Variants in UNC5D observed in about 807,000 individuals in gnomAD.
UNC5D encodes the protein netrin receptor UNC5D.
Under a neutral mutation model 105.4 loss-of-function variants are expected in UNC5D, and 39 were observed. The ratio of observed to expected loss-of-function variants is 0.37; its 90% confidence interval spans 0.29 to 0.48. UNC5D has a LOEUF of 0.48. UNC5D is among the 20% of genes least tolerant of loss of function. The pLI, the probability that UNC5D is intolerant of heterozygous loss-of-function variation, is 0.98. For missense variants in UNC5D, 991 were observed against 1,202.4 expected, an observed-to-expected ratio of 0.82 and a Z score of 2.60; for synonymous variants, 452 against 450.4, an observed-to-expected ratio of 1.00 and a Z score of -0.04.
In UNC5D at chr8:35,767,082, A is replaced by G. The variant is rs377729624; in HGVS notation, c.2478+16A>G. 6.3e-6 allele frequency: 10 copies of G among 1,597,232 alleles called. No individual in the cohort carries two copies. In the African/African-American group the frequency reaches 9.4e-5, roughly 15 times the overall value. ...AATCCTAGAGGTGAGTCCTTGATCT[A>G]CAGGTCATTTGACCCCCTTTCTGAA... On this transcript the variant is annotated intron_variant, in intron 15 of 16. Coordinates refer to ENST00000404895, the MANE Select transcript of UNC5D (RefSeq NM_080872.4).
chr8:35,248,728 A>AATATATAATATATATAAAATATATAAAT (rs1563248135), intron 1 of UNC5D, among the ~76,000 whole-genome samples: 1 of 98,248 alleles, frequency 1.0e-5, no homozygotes, highest in African/African-American at 4.5e-5. Flanking sequence ...AATATATAAA[A>AATATATAATATATATAAAATATATAAAT]ATATATAATA....
At chr8:35,786,078 G>C (rs1434797460) in intron 16 of UNC5D, among the ~76,000 whole-genome samples, 8 of 152,102 alleles carry the variant, frequency 5.3e-5, no homozygotes, top group Non-Finnish European at 1.2e-4. Flanking sequence ...GAGCTGTGTG[G>C]TTTGTTACAT....
At chr8:35,666,812 T>C (rs1296471766) in intron 4 of UNC5D, among the ~76,000 whole-genome samples, 1 of 152,192 alleles carries the variant, frequency 6.6e-6, no homozygotes, top group Non-Finnish European at 1.5e-5. Context: ...CTGAAGTACC[T>C]ATGACATGTA....
intron 1 of UNC5D, among the ~76,000 whole-genome samples, chr8:35,358,910 A>G (rs1160098870): frequency 6.6e-6 from 1 of 152,222 alleles, no homozygotes; most frequent in African/African-American, 2.4e-5. Flanking sequence ...GGGTTTTTAT[A>G]TGAATGAGTT....
chr8:35,463,083 C>G (rs1809017644), intron 1 of UNC5D, among the ~76,000 whole-genome samples: 1 of 152,170 alleles, frequency 6.6e-6, no homozygotes, highest in Non-Finnish European at 1.5e-5. Context: ...TCTGGCAGGA[C>G]TATAACGTGC....
intron 4 of UNC5D, among the ~76,000 whole-genome samples, chr8:35,624,580 C>A (rs1821586372): frequency 6.6e-6 from 1 of 152,212 alleles, no homozygotes; most frequent in African/African-American, 2.4e-5. Flanking sequence ...TTCTGCCTTA[C>A]AAGCTGATAT....
At chr8:35,740,082 G>A (rs758181812) in intron 11 of UNC5D, among the ~76,000 whole-genome samples, 9 of 152,192 alleles carry the variant, frequency 5.9e-5, no homozygotes, top group Non-Finnish European at 1.0e-4. Flanking sequence ...GTTGGATTGC[G>A]TGGTGTCTGA....
intron 4 of UNC5D, among the ~76,000 whole-genome samples, chr8:35,664,171 A>G (rs1824284150): frequency 6.6e-6 from 1 of 152,196 alleles, no homozygotes; most frequent in South Asian, 2.1e-4. Context: ...AACTGCAGTT[A>G]TTTTATAGTT....
At chr8:35,381,226 T>A (rs1401517539) in intron 1 of UNC5D, among the ~76,000 whole-genome samples, 1 of 152,200 alleles carries the variant, frequency 6.6e-6, no homozygotes, top group East Asian at 1.9e-4. Flanking sequence ...TTGAATGAGA[T>A]CTGTGTAGGT....
At chr8:35,481,930 T>C (rs1255748631) in intron 1 of UNC5D, among the ~76,000 whole-genome samples, 2 of 152,210 alleles carry the variant, frequency 1.3e-5, no homozygotes, top group Admixed American at 6.5e-5. Flanking sequence ...ATGATTTAGT[T>C]ATCCAGACAT....
rs572465305 is a variant in UNC5D at position 35,684,957 on chromosome 8, T to TA, written c.919+210dup. Among the ~76,000 whole-genome samples, 820 of 152,342 alleles carry TA rather than the reference T, an allele frequency of 5.4e-3. 4 individuals carry two copies. The highest frequency in any genetic ancestry group is 8.8e-3 in the Non-Finnish European group (598 of 68,030). ...GTGCAATGTTTTGGGGCATATTTTT[T>TA]AATACTCAGATGACACTGAACATTC... On this transcript the variant is annotated intron_variant, in intron 6 of 16. Coordinates refer to ENST00000404895, the MANE Select transcript of UNC5D (RefSeq NM_080872.4).
At chr8:35,787,488 C>T (rs1802799724) in intron 16 of UNC5D, among the ~76,000 whole-genome samples, 1 of 152,140 alleles carries the variant, frequency 6.6e-6, no homozygotes, top group East Asian at 1.9e-4. Context: ...CCCAGCTGTT[C>T]CTTCAGTGTG....
intron 4 of UNC5D, among the ~76,000 whole-genome samples, chr8:35,628,227 A>G (rs1401071296): frequency 6.6e-6 from 1 of 152,050 alleles, no homozygotes; most frequent in Non-Finnish European, 1.5e-5. Context: ...TTCACCTCCC[A>G]GGTCCGACTG....
intron 1 of UNC5D, among the ~76,000 whole-genome samples, chr8:35,357,334 T>C (rs749189516): frequency 6.6e-6 from 1 of 152,214 alleles, no homozygotes; most frequent in Admixed American, 6.5e-5. Context: ...CTTTTCTCAC[T>C]TGATGTCACA....
Position 35,720,611 on chromosome 8 carries a change from C to T in UNC5D, c.1118-1599C>T, listed in dbSNP as rs543614669. Among the ~76,000 whole-genome samples the T allele has an allele frequency of 3.9e-5, 6 of 152,252 alleles. No individual in the cohort carries two copies. In the East Asian group the frequency reaches 1.2e-3, roughly 29 times the overall value. On this transcript the variant is annotated intron_variant, in intron 8 of 16. Coordinates refer to ENST00000404895, the MANE Select transcript of UNC5D (RefSeq NM_080872.4). ...TGGGAGCTTAAGAATGATAGCTGCC[C>T]TCCTTCTTACCACACATGACAGAGG...
chr8:35,520,212 A>G (rs1175537223), intron 1 of UNC5D, among the ~76,000 whole-genome samples: 3 of 152,154 alleles, frequency 2.0e-5, no homozygotes, highest in African/African-American at 7.2e-5. Context: ...GCCAGACACG[A>G]AATATTATTT....
At chr8:35,540,446 T>G (rs62505518) in intron 1 of UNC5D, among the ~76,000 whole-genome samples, 27 of 109,390 alleles carry the variant, frequency 2.5e-4, no homozygotes, top group African/African-American at 1.1e-3. Flanking sequence ...AGCAGAGGGG[T>G]GTGTGTGTGT....
At chr8:35,653,023 A>G (rs556775453) in intron 4 of UNC5D, among the ~76,000 whole-genome samples, 6 of 134,532 alleles carry the variant, frequency 4.5e-5, no homozygotes, top group Non-Finnish European at 9.1e-5. Context: ...TCCGCCTCCC[A>G]GTTTCAAGTG....
chr8:35,490,301 G>A (rs117053780), intron 1 of UNC5D, among the ~76,000 whole-genome samples: 3 of 152,208 alleles, frequency 2.0e-5, no homozygotes, highest in African/African-American at 4.8e-5. Flanking sequence ...CCAGGAATTC[G>A]AGACCAGTCT....
Sources: gnomAD v4.1 joint callset for allele counts (sites outside exome capture counted in the v4.1 genomes callset) on GRCh38, gnomAD v4.1.1 for gene constraint, MANE v1.5 for transcripts, NCBI Gene and HGNC (gene_info 2026-07-23, HGNC 2026-07-21) for gene names.